CSMD3: variants seen among roughly 807,000 people sequenced by gnomAD.
CSMD3 encodes CUB and sushi domain-containing protein 3.
Under a neutral mutation model 435.2 loss-of-function variants are expected in CSMD3, and 177 were observed. The ratio of observed to expected loss-of-function variants is 0.41; its 90% CI spans 0.36 to 0.46. CSMD3 has a LOEUF of 0.46. Among genes scored for constraint, CSMD3 ranks in the 20% least tolerant of loss-of-function variants. CSMD3 has a pLI of 0.34. For synonymous variants in CSMD3, 1,656 were observed against 1,520.5 expected, an observed-to-expected ratio of 1.09 and a Z score of -2.07; for missense variants, 4,265 against 4,504.6, an observed-to-expected ratio of 0.95 and a Z score of 1.52.
At chr8:113,395,814 T>G (rs1218943892) in intron 1 of CSMD3, among the ~76,000 whole-genome samples, 1 of 152,116 alleles carries the variant, frequency 6.6e-6, no homozygotes, top group Non-Finnish European at 1.5e-5. Context: ...AACGTTTACT[T>G]TCTGTTGTTT....
intron 45 of CSMD3, among the ~76,000 whole-genome samples, chr8:112,330,990 T>A (rs1823996230): frequency 6.6e-6 from 1 of 152,000 alleles, no homozygotes; most frequent in Non-Finnish European, 1.5e-5. Context: ...ATGTAGGTTA[T>A]CCGGTTTTTT....
At chr8:112,591,383 C>T (rs926867253) in intron 22 of CSMD3, among the ~76,000 whole-genome samples, 2 of 152,094 alleles carry the variant, frequency 1.3e-5, no homozygotes, top group East Asian at 3.9e-4. Flanking sequence ...TACCCAAAAA[C>T]AGACAAGACA....
At position 112,241,706 on chromosome 8, in the gene CSMD3, A is replaced by G. The variant is rs1178694406; in HGVS notation, c.10468+14T>C. Reference sequence around the variant, plus strand: ...GAAATAATGAACTCTAGAAAAACAAATGACATTACTAACCACTTAGCTTTG... The same window carrying G: ...GAAATAATGAACTCTAGAAAAACAAGTGACATTACTAACCACTTAGCTTTG... On this transcript the variant is annotated intron_variant, in intron 66 of 70. Transcript: ENST00000297405. The G allele has an allele frequency of 6.3e-7, 1 of 1,592,450 alleles. No homozygotes were observed. Among genetic ancestry groups the G allele is most frequent in the Non-Finnish European group, 8.6e-7 (1 of 1,160,428 alleles).
At chr8:113,095,682 C>T (rs916411569) in intron 5 of CSMD3, among the ~76,000 whole-genome samples, 1 of 151,966 alleles carries the variant, frequency 6.6e-6, no homozygotes, top group Non-Finnish European at 1.5e-5. Context: ...AAAATCCATA[C>T]AACAATAATA....
At position 113,314,615 on chromosome 8, in the gene CSMD3, T is replaced by C; in HGVS notation, c.357A>G (p.Leu119=). The C allele has an allele frequency of 6.2e-7, 1 of 1,610,148 alleles. No individual in the cohort carries two copies. Among genetic ancestry groups the C allele is most frequent in the Non-Finnish European group, 8.5e-7 (1 of 1,176,570 alleles). The change falls in exon 2 of 71, where the codon TTA becomes TTG. Residue 119 remains leucine (L), a synonymous_variant. Transcript: ENST00000297405. ...SFALEEEYDY[L]SLYDGHPHPT... ...GATGAGGATGTCCATCATATAATGA[T>C]AAGTAGTCGTATTCTTCTTCTAGAG...
intron 30 of CSMD3, among the ~76,000 whole-genome samples, chr8:112,497,959 G>T (rs578094569): frequency 1.3e-5 from 2 of 152,160 alleles, no homozygotes; most frequent in South Asian, 2.1e-4. Context: ...ATCATCTGGA[G>T]TATAAAAATA....
At chr8:113,147,980 T>C (rs1469966346) in intron 4 of CSMD3, among the ~76,000 whole-genome samples, 1 of 151,748 alleles carries the variant, frequency 6.6e-6, no homozygotes, top group African/African-American at 2.4e-5. Flanking sequence ...TTCTTGGTCA[T>C]AGAATCTTTA....
intron 13 of CSMD3, among the ~76,000 whole-genome samples, chr8:112,708,647 C>CTTT (rs34676109): frequency 9.0e-6 from 1 of 110,550 alleles, no homozygotes; most frequent in Non-Finnish European, 1.8e-5. Context: ...GGTAATGCTT[C>CTTT]TTTTTTTTTT....
intron 1 of CSMD3, among the ~76,000 whole-genome samples, chr8:113,396,088 A>G (rs2133178634): frequency 6.6e-6 from 1 of 152,258 alleles, no homozygotes; most frequent in East Asian, 1.9e-4. Context: ...TAACTATGCT[A>G]TATTTACTTC....
intron 13 of CSMD3, among the ~76,000 whole-genome samples, chr8:112,739,505 G>A (rs1218383325): frequency 6.6e-6 from 1 of 151,652 alleles, no homozygotes; most frequent in Admixed American, 6.6e-5. Context: ...TGTTTGTGCA[G>A]GAAGAAACAA....
intron 11 of CSMD3, among the ~76,000 whole-genome samples, chr8:112,838,314 C>G (rs1391773848): frequency 6.6e-6 from 1 of 151,746 alleles, no homozygotes; most frequent in Non-Finnish European, 1.5e-5. Flanking sequence ...AGAAAGCAGA[C>G]CATGTTAAGG....
intron 10 of CSMD3, among the ~76,000 whole-genome samples, chr8:112,869,820 G>T (rs1237549026): frequency 6.6e-6 from 1 of 152,140 alleles, no homozygotes; most frequent in Non-Finnish European, 1.5e-5. Flanking sequence ...CTCATAAGTG[G>T]AAGTTGAACA....
chr8:112,838,302 G>A (rs2080085911), intron 11 of CSMD3, among the ~76,000 whole-genome samples: 1 of 151,788 alleles, frequency 6.6e-6, no homozygotes, highest in South Asian at 2.1e-4. Context: ...AGCGATGAAG[G>A]CAGAAAGCAG....
intron 10 of CSMD3, among the ~76,000 whole-genome samples, chr8:112,870,110 T>A (rs2066701551): frequency 6.6e-6 from 1 of 152,126 alleles, no homozygotes; most frequent in African/African-American, 2.4e-5. Flanking sequence ...TTTATAAACC[T>A]TTATTTTAGG....
chr8:112,614,162 T>C (rs141449046), intron 22 of CSMD3, among the ~76,000 whole-genome samples: 3 of 151,726 alleles, frequency 2.0e-5, no homozygotes, highest in African/African-American at 7.2e-5. Context: ...GCAGAGGGAA[T>C]AGCAAATACA....
At chr8:112,364,030 A>G (rs571052955) in intron 38 of CSMD3, among the ~76,000 whole-genome samples, 1 of 152,002 alleles carries the variant, frequency 6.6e-6, no homozygotes, top group Non-Finnish European at 1.5e-5. Context: ...TAATTAGCTC[A>G]AGGGAGAAGA....
At position 112,351,163 on chromosome 8, in the gene CSMD3, C is replaced by T. The variant is rs370415381; in HGVS notation, c.6325+12G>A. 1.3e-6 allele frequency: 2 copies of T among 1,512,864 alleles called. No individual in the cohort carries two copies. The highest frequency in any genetic ancestry group is 1.8e-6 in the Non-Finnish European group (2 of 1,088,910). The allele number at this position is 1,512,864 out of a possible 1,614,324, so 93.7% of individuals were successfully genotyped here. A position where few individuals can be genotyped will look rare whatever the true frequency, so the allele number is the denominator to read the frequency against. ...AGTTCTAGGGTAAATACTTTATAGT[C>T]TTTTAACTTACCTAAACAAATTGGG... is the stretch of plus-strand genomic sequence containing the variant. On this transcript the variant is annotated intron_variant, in intron 40 of 70. Transcript: ENST00000297405.
chr8:113,200,833 CTTCT>C (rs1384482472), intron 3 of CSMD3, among the ~76,000 whole-genome samples: 2 of 151,476 alleles, frequency 1.3e-5, no homozygotes, highest in Non-Finnish European at 2.9e-5. Context: ...AGGATATTTG[CTTCT>C]TTATTATTTA....
At chr8:113,118,276 G>A (rs984989760) in intron 4 of CSMD3, among the ~76,000 whole-genome samples, 2 of 152,124 alleles carry the variant, frequency 1.3e-5, no homozygotes, top group Non-Finnish European at 2.9e-5. Context: ...TACCTAGAAT[G>A]AGGCTGACTT....
Sources: allele counts gnomAD v4.1 joint callset (sites outside exome capture counted in the v4.1 genomes callset), GRCh38; gene constraint gnomAD v4.1.1; transcripts MANE v1.5; gene names NCBI Gene and HGNC (gene_info 2026-07-23, HGNC 2026-07-21).